The following RIT2 variants were observed in gnomAD, a reference collection of about 807,000 sequenced individuals.
The protein encoded by RIT2 is Ras like without CAAX 2.
A neutral mutation model predicts 23.7 loss-of-function variants in RIT2; 24 were observed. The ratio of observed to expected loss-of-function variants is 1.01; its 90% CI spans 0.73 to 1.43. The LOEUF (loss-of-function observed/expected upper bound fraction) is 1.43. Ranked by LOEUF, RIT2 falls within the 40% of genes most tolerant of loss-of-function variation. The pLI, the probability that RIT2 is intolerant of heterozygous loss-of-function variation, is 0.00. For missense variants in RIT2, 236 were observed against 266.9 expected, an observed-to-expected ratio of 0.88 and a Z score of 0.81; for synonymous variants, 107 against 91.1, an observed-to-expected ratio of 1.17 and a Z score of -0.99.
intron 4 of RIT2, among the ~76,000 whole-genome samples, chr18:42,871,354 A>G (rs1019097656): frequency 6.6e-6 from 1 of 152,186 alleles, no homozygotes; most frequent in East Asian, 1.9e-4. Flanking sequence ...CATTTATGTG[A>G]TGTGAATTTA....
At chr18:42,873,816 A>G (rs1198167147) in intron 4 of RIT2, among the ~76,000 whole-genome samples, 1 of 152,176 alleles carries the variant, frequency 6.6e-6, no homozygotes, top group Admixed American at 6.6e-5. Flanking sequence ...CTAAACTTAC[A>G]TAAGAAAATT....
chr18:42,943,327 G>A (rs1163235031), intron 3 of RIT2, among the ~76,000 whole-genome samples: 2 of 152,018 alleles, frequency 1.3e-5, no homozygotes, highest in African/African-American at 4.8e-5. Context: ...TAGCTATGGA[G>A]CACTGATTGG....
chr18:42,880,071 TCTGGTGTCC>T (rs1335681109), intron 4 of RIT2, among the ~76,000 whole-genome samples: 1 of 152,184 alleles, frequency 6.6e-6, no homozygotes, highest in Non-Finnish European at 1.5e-5. Flanking sequence ...CCTTAAGGGA[TCTGGTGTCC>T]CTGCTACAGA....
intron 4 of RIT2, among the ~76,000 whole-genome samples, chr18:42,889,127 G>A (rs1176624238): frequency 1.4e-5 from 2 of 146,526 alleles, no homozygotes; most frequent in Non-Finnish European, 2.9e-5. Context: ...TTAGTATAAT[G>A]GACAATATTT....
chr18:42,808,245 G>T (rs543934957), intron 4 of RIT2, among the ~76,000 whole-genome samples: 3 of 152,188 alleles, frequency 2.0e-5, no homozygotes, highest in Admixed American at 6.5e-5. Context: ...TAACATGAAG[G>T]TCTGTATCAC....
At chr18:43,105,490 G>GAAGGGAGGAAGAGAGGAAGGGAGGAAGGA (rs1568083814) in intron 1 of RIT2, among the ~76,000 whole-genome samples, 17,782 of 116,916 alleles carry the variant, frequency 0.15, 1,815 homozygotes, top group Non-Finnish European at 0.17. Context: ...GGGAGGAAGG[G>GAAGGGAGGAAGAGAGGAAGGGAGGAAGGA]AGGAAGAAAG....
intron 2 of RIT2, among the ~76,000 whole-genome samples, chr18:43,011,588 C>A (rs1317199552): frequency 6.6e-6 from 1 of 151,626 alleles, no homozygotes; most frequent in Non-Finnish European, 1.5e-5. Flanking sequence ...AAGAGAAAAT[C>A]AACCAAATAG....
chr18:42,753,055 C>A (rs73951747), intron 4 of RIT2, among the ~76,000 whole-genome samples: 1 of 152,178 alleles, frequency 6.6e-6, no homozygotes, highest in African/African-American at 2.4e-5. Flanking sequence ...TATTTCCCAT[C>A]TGCCAGAGGA....
chr18:42,923,796 G>A (rs1909115204), intron 3 of RIT2, 33 bp from the exon 4 acceptor site: 1 of 1,504,966 alleles, frequency 6.6e-7, no homozygotes, highest in Non-Finnish European at 9.1e-7. Context: ...TTAGTTATGG[G>A]CTTTCAATAT....
intron 4 of RIT2, among the ~76,000 whole-genome samples, chr18:42,876,063 A>G (rs1334585113): frequency 6.6e-6 from 1 of 151,638 alleles, no homozygotes; most frequent in Non-Finnish European, 1.5e-5. Context: ...CATAAATCCA[A>G]AAAAAAAGTC....
intron 4 of RIT2, among the ~76,000 whole-genome samples, chr18:42,827,985 C>T (rs1298006108): frequency 3.0e-5 from 3 of 100,758 alleles, no homozygotes; most frequent in African/African-American, 1.2e-4. Flanking sequence ...GCCTGGGCAA[C>T]AGAGCAAGAC....
At chr18:42,981,760 T>C (rs913463991) in intron 2 of RIT2, among the ~76,000 whole-genome samples, 10 of 152,198 alleles carry the variant, frequency 6.6e-5, no homozygotes, top group African/African-American at 2.4e-4. Context: ...CATAGGCCAC[T>C]TTAAACAATA....
At chr18:42,999,063 C>T (rs1262786401) in intron 2 of RIT2, among the ~76,000 whole-genome samples, 1 of 151,990 alleles carries the variant, frequency 6.6e-6, no homozygotes, top group African/African-American at 2.4e-5. Context: ...TAAATGTCTA[C>T]CTCAGTGTTT....
At chr18:43,024,327 A>G (rs1402939361) in intron 2 of RIT2, among the ~76,000 whole-genome samples, 1 of 152,124 alleles carries the variant, frequency 6.6e-6, no homozygotes, top group African/African-American at 2.4e-5. Context: ...TATTCAATAA[A>G]TGGTGCTGAA....
At chr18:42,844,502 A>G (rs945146398) in intron 4 of RIT2, among the ~76,000 whole-genome samples, 2 of 152,128 alleles carry the variant, frequency 1.3e-5, no homozygotes, top group East Asian at 1.9e-4. Flanking sequence ...ATGGGCAGGT[A>G]ATCTTTCCTG....
chr18:42,870,341 A>G (rs1907589284), intron 4 of RIT2, among the ~76,000 whole-genome samples: 1 of 152,038 alleles, frequency 6.6e-6, no homozygotes, highest in South Asian at 2.1e-4. Context: ...CCCAGGTTCA[A>G]GCGATTCTCC....
At chr18:42,879,526 TTTTTTGTTTTATTTG>T (rs1907833147) in intron 4 of RIT2, among the ~76,000 whole-genome samples, 1 of 151,426 alleles carries the variant, frequency 6.6e-6, no homozygotes, top group African/African-American at 2.4e-5. Context: ...ACCTGACTTC[TTTTTTGTTTTATTTG>T]TTTTTGTTTT....
intron 1 of RIT2, among the ~76,000 whole-genome samples, chr18:43,072,424 AAG>A (rs1912920829): frequency 6.6e-6 from 1 of 152,212 alleles, no homozygotes; most frequent in Non-Finnish European, 1.5e-5. Flanking sequence ...CTTTAGGGCT[AAG>A]AGTTCTTTTT....
At chr18:42,855,052 C>T (rs896140976) in intron 4 of RIT2, among the ~76,000 whole-genome samples, 1 of 152,086 alleles carries the variant, frequency 6.6e-6, no homozygotes, top group Non-Finnish European at 1.5e-5. Context: ...GAGTCAACAT[C>T]CAACAATTTT....
Sources: allele counts gnomAD v4.1 joint callset (sites outside exome capture counted in the v4.1 genomes callset), GRCh38; gene constraint gnomAD v4.1.1; transcripts MANE v1.5; gene names NCBI Gene and HGNC (gene_info 2026-07-23, HGNC 2026-07-21).